Variants in BRD10 observed in about 807,000 individuals in gnomAD.
BRD10 encodes bromodomain containing 10.
chr9:5,973,141 G>A, the BRD10 span, among the ~76,000 whole-genome samples: 2 of 152,288 alleles, frequency 1.3e-5, no homozygotes, highest in East Asian at 1.9e-4. Flanking sequence ...GCTCTACGGA[G>A]TTTAAAAAGA....
chr9:5,924,984 T>A, the BRD10 span: 1 of 588,346 alleles, frequency 1.7e-6, no homozygotes, highest in Non-Finnish European at 2.6e-6. Flanking sequence ...TAAGTGTGTC[T>A]AAGATGCTTA....
chr9:5,943,699 A>G, the BRD10 span, among the ~76,000 whole-genome samples: 334 of 152,296 alleles, frequency 2.2e-3, 1 homozygote, highest in African/African-American at 7.7e-3. Context: ...GTATAAAAAT[A>G]TAAGAATCTA....
At chr9:5,970,037 G>C in the BRD10 span, among the ~76,000 whole-genome samples, 76 of 152,212 alleles carry the variant, frequency 5.0e-4, no homozygotes, top group Non-Finnish European at 1.8e-4. Context: ...AGTAGAATTT[G>C]ATTACAGTAA....
At chr9:5,926,356 G>C in the BRD10 span, among the ~76,000 whole-genome samples, 2 of 151,850 alleles carry the variant, frequency 1.3e-5, no homozygotes, top group African/African-American at 2.4e-5. Flanking sequence ...CGCCAGGCTG[G>C]AGTACAAGTG....
chr9:5,895,004 G>A, the BRD10 span, among the ~76,000 whole-genome samples: 1 of 152,190 alleles, frequency 6.6e-6, no homozygotes, highest in Non-Finnish European at 1.5e-5. Context: ...GGGTCAGGTG[G>A]GTTATCTGAC....
the BRD10 span, among the ~76,000 whole-genome samples, chr9:5,991,708 G>A: frequency 1.5e-5 from 2 of 133,766 alleles, no homozygotes; most frequent in Admixed American, 1.6e-4. Context: ...CTGGGCGACA[G>A]AGAAAGACTC....
the BRD10 span, among the ~76,000 whole-genome samples, chr9:5,900,210 G>T: frequency 2.0e-5 from 3 of 152,078 alleles, no homozygotes; most frequent in African/African-American, 7.2e-5. Flanking sequence ...GAGTCTTAAT[G>T]TCATGTGCTC....
chr9:5,933,330 A>G, the BRD10 span, among the ~76,000 whole-genome samples: 1 of 152,244 alleles, frequency 6.6e-6, no homozygotes, highest in Non-Finnish European at 1.5e-5. Flanking sequence ...ACTGAAGGTC[A>G]CTTTATAAAG....
At chr9:5,982,607 C>T in the BRD10 span, among the ~76,000 whole-genome samples, 2 of 152,182 alleles carry the variant, frequency 1.3e-5, no homozygotes, top group South Asian at 2.1e-4. Flanking sequence ...AGAGAGTTGC[C>T]ATCAGCAAGA....
the BRD10 span, among the ~76,000 whole-genome samples, chr9:5,985,009 AGACT>A: frequency 1.4e-4 from 22 of 152,306 alleles, no homozygotes; most frequent in African/African-American, 5.0e-4. Context: ...TTTAATTTCA[AGACT>A]TACTGTAAAG....
the BRD10 span, chr9:5,921,085 G>T: frequency 1.2e-6 from 2 of 1,613,800 alleles, no homozygotes; most frequent in Non-Finnish European, 1.7e-6. Flanking sequence ...CATTAACAGG[G>T]GTAATATTCT....
the BRD10 span, among the ~76,000 whole-genome samples, chr9:5,984,585 C>T: frequency 2.0e-5 from 3 of 152,108 alleles, no homozygotes; most frequent in Non-Finnish European, 4.4e-5. Flanking sequence ...CCATAAATAT[C>T]TATGCATCTA....
chr9:5,911,445 G>T, the BRD10 span, among the ~76,000 whole-genome samples: 1 of 142,634 alleles, frequency 7.0e-6, no homozygotes. Context: ...ATGATGTTTT[G>T]GTTACTATAG....
chr9:5,991,384 T>C, the BRD10 span, among the ~76,000 whole-genome samples: 1 of 152,122 alleles, frequency 6.6e-6, no homozygotes, highest in Non-Finnish European at 1.5e-5. Flanking sequence ...TCTGCTCTGA[T>C]ATTCCTAGAG....
At chr9:5,974,120 A>C in the BRD10 span, among the ~76,000 whole-genome samples, 1 of 152,164 alleles carries the variant, frequency 6.6e-6, no homozygotes, top group East Asian at 1.9e-4. Context: ...GACATACACA[A>C]AAAAAATCTT....
chr9:5,923,028 A>C, the BRD10 span: 2 of 1,614,006 alleles, frequency 1.2e-6, no homozygotes, highest in South Asian at 2.2e-5. Context: ...GAATCCAATG[A>C]GGCAAATGAC....
At chr9:5,923,189 T>C in the BRD10 span, 1 of 1,614,040 alleles carries the variant, frequency 6.2e-7, no homozygotes, top group Non-Finnish European at 8.5e-7. Context: ...ATAATCAGTT[T>C]GTTTGGACTG....
chr9:6,008,280 C>A, the BRD10 span: 1 of 984,154 alleles, frequency 1.0e-6, no homozygotes, highest in Non-Finnish European at 1.2e-6. Flanking sequence ...CCCCCCTCTA[C>A]CTGCGGGGGA....
the BRD10 span, among the ~76,000 whole-genome samples, chr9:5,999,845 G>A: frequency 6.6e-6 from 1 of 152,034 alleles, no homozygotes; most frequent in Non-Finnish European, 1.5e-5. Context: ...AATAAGCATT[G>A]TAAATATATG....
Sources: allele counts gnomAD v4.1 joint callset (sites outside exome capture counted in the v4.1 genomes callset), GRCh38; gene constraint gnomAD v4.1.1; transcripts MANE v1.5; gene names NCBI Gene and HGNC (gene_info 2026-07-23, HGNC 2026-07-21).